Variants in CSRNP3 observed in about 807,000 individuals in gnomAD.
CSRNP3 encodes cysteine and serine rich nuclear protein 3.
In CSRNP3, 12 loss-of-function variants were observed where a neutral mutation model predicts 48.0. The observed-to-expected ratio is 0.25, with a 90% CI of 0.16 to 0.41. The LOEUF is 0.41. Ranked by LOEUF, CSRNP3 falls within the 10% of genes least tolerant of loss-of-function variation. CSRNP3 has a pLI of 1.00. For missense variants in CSRNP3, 580 were observed against 724.4 expected (o/e 0.80, Z 2.29); for synonymous variants, 263 against 269.7 (o/e 0.98, Z 0.24).
rs371437334 is a variant in CSRNP3, at chr2:165,512,966, G to C, written c.-112-4907G>C. On this transcript the variant is annotated intron_variant, in intron 2 of 6. Transcript: ENST00000651982. ...AAAAATACAAAAATATTAGCCGGGCGTGGTGGCACGCGCCTGTAGTCCCAG... is the reference window on the plus strand; with the variant it reads ...AAAAATACAAAAATATTAGCCGGGCCTGGTGGCACGCGCCTGTAGTCCCAG... Among the ~76,000 whole-genome samples, 3 of 152,234 alleles carry C rather than the reference G, an allele frequency of 2.0e-5. No homozygotes were observed. In the East Asian group the frequency reaches 5.8e-4, roughly 29 times the overall value.
At chr2:165,521,047 A>T (rs1684654705) in intron 3 of CSRNP3, among the ~76,000 whole-genome samples, 1 of 151,376 alleles carries the variant, frequency 6.6e-6, no homozygotes, top group Non-Finnish European at 1.5e-5. Flanking sequence ...AGGCTAGAAG[A>T]GGGCCTTTCT....
At chr2:165,612,420 G>T (rs1319187860) in intron 4 of CSRNP3, among the ~76,000 whole-genome samples, 1 of 151,960 alleles carries the variant, frequency 6.6e-6, no homozygotes, top group African/African-American at 2.4e-5. Context: ...TCTCTGTGTT[G>T]TGAACATTCA....
intron 3 of CSRNP3, among the ~76,000 whole-genome samples, chr2:165,571,663 A>G (rs2105274627): frequency 6.6e-6 from 1 of 152,154 alleles, no homozygotes; most frequent in African/African-American, 2.4e-5. Flanking sequence ...TTAAAAATTA[A>G]TAAAAACCAT....
chr2:165,526,601 A>G (rs548361029), intron 3 of CSRNP3, among the ~76,000 whole-genome samples: 2 of 152,322 alleles, frequency 1.3e-5, no homozygotes, highest in Admixed American at 6.5e-5. Context: ...ATACTGAGAG[A>G]GCATCACTGT....
chr2:165,477,925 C>T (rs922208874), intron 1 of CSRNP3, among the ~76,000 whole-genome samples: 4 of 151,492 alleles, frequency 2.6e-5, no homozygotes, highest in South Asian at 2.1e-4. Context: ...TGCAGTGAGC[C>T]GAGGTCACCT....
intron 5 of CSRNP3, among the ~76,000 whole-genome samples, chr2:165,668,301 A>T (rs1687268548): frequency 6.6e-6 from 1 of 152,008 alleles, no homozygotes; most frequent in South Asian, 2.1e-4. Context: ...CAAAGGAAAT[A>T]CTAACTGGTG....
chr2:165,650,186 A>C (rs953315087), intron 4 of CSRNP3, among the ~76,000 whole-genome samples: 3 of 152,176 alleles, frequency 2.0e-5, no homozygotes, highest in Non-Finnish European at 4.4e-5. Flanking sequence ...ACCTTATTTG[A>C]GCAAATTAAA....
chr2:165,585,905 A>G (rs560641973), intron 3 of CSRNP3, among the ~76,000 whole-genome samples: 1 of 152,254 alleles, frequency 6.6e-6, no homozygotes, highest in Non-Finnish European at 1.5e-5. Context: ...CTCCCAAGTA[A>G]AAGTGGACAG....
intron 2 of CSRNP3, among the ~76,000 whole-genome samples, chr2:165,501,096 CTT>C (rs1414459004): frequency 6.6e-6 from 1 of 152,050 alleles, no homozygotes; most frequent in African/African-American, 2.4e-5. Context: ...TTCAAGAACT[CTT>C]TACTTGCCAA....
intron 3 of CSRNP3, among the ~76,000 whole-genome samples, chr2:165,525,741 C>T (rs1684725263): frequency 6.6e-6 from 1 of 152,132 alleles, no homozygotes; most frequent in Non-Finnish European, 1.5e-5. Flanking sequence ...CTGCCTCAGC[C>T]TCCCAAAGTG....
intron 3 of CSRNP3, among the ~76,000 whole-genome samples, chr2:165,559,507 T>A (rs1472899872): frequency 2.0e-5 from 3 of 152,110 alleles, no homozygotes; most frequent in Admixed American, 6.5e-5. Flanking sequence ...TGATATTTTT[T>A]AAAAAATGAA....
intron 5 of CSRNP3, among the ~76,000 whole-genome samples, chr2:165,669,406 C>G (rs1385710386): frequency 1.3e-5 from 2 of 152,066 alleles, no homozygotes; most frequent in African/African-American, 2.4e-5. Flanking sequence ...CCCTTGATGG[C>G]ACCAAAAATT....
chr2:165,590,967 A>G (rs949208371), intron 3 of CSRNP3, among the ~76,000 whole-genome samples: 4 of 152,206 alleles, frequency 2.6e-5, no homozygotes, highest in Non-Finnish European at 4.4e-5. Context: ...GCTGGGTAAC[A>G]GGCAGAGGTT....
chr2:165,480,953 A>G (rs1047203170), intron 1 of CSRNP3, among the ~76,000 whole-genome samples: 3 of 150,224 alleles, frequency 2.0e-5, no homozygotes, highest in Admixed American at 2.0e-4. Flanking sequence ...ATTCAAAACC[A>G]GTCTGGACAA....
rs58624766 is a variant in CSRNP3, at chr2:165,642,103, AACACACACACACAC to A, written c.149-15627_149-15614del. On this transcript the variant is annotated intron_variant, in intron 4 of 6. Transcript: ENST00000651982. ...TAGTACCTGAGAATACACACACACA[AACACACACACACAC>A]ACACACACACACACACACACACACA... Among the ~76,000 whole-genome samples, 1,044 of 132,190 alleles carry A rather than the reference AACACACACACACAC, an allele frequency of 7.9e-3. 15 individuals are homozygous for A. The highest frequency in any genetic ancestry group is 0.026 in the African/African-American group (970 of 36,702). The allele number at this position is 132,190 out of a possible 152,430, so 86.7% of individuals were successfully genotyped here. A position where few individuals can be genotyped will look rare whatever the true frequency, so the allele number is the denominator to read the frequency against.
intron 4 of CSRNP3, among the ~76,000 whole-genome samples, chr2:165,643,876 A>G (rs938777695): frequency 1.3e-5 from 2 of 152,212 alleles, no homozygotes; most frequent in Admixed American, 6.5e-5. Context: ...AATCTTAAGC[A>G]ATATGATTTT....
intron 4 of CSRNP3, among the ~76,000 whole-genome samples, chr2:165,650,401 C>T (rs1447507942): frequency 6.6e-6 from 1 of 152,140 alleles, no homozygotes; most frequent in Non-Finnish European, 1.5e-5. Context: ...TCAAGAGAAG[C>T]CAACCTTGGC....
intron 4 of CSRNP3, among the ~76,000 whole-genome samples, chr2:165,655,707 T>C (rs560297994): frequency 8.5e-5 from 13 of 152,290 alleles, no homozygotes; most frequent in African/African-American, 2.9e-4. Flanking sequence ...TGGGAAAGGA[T>C]CTTTCCTTGC....
chr2:165,678,972 C>G lies in CSRNP3; in HGVS notation c.977C>G (p.Ala326Gly). 6.2e-7 allele frequency: 1 copy of G among 1,613,970 alleles called. No homozygotes were observed. The highest frequency in any genetic ancestry group is 8.5e-7 in the Non-Finnish European group (1 of 1,179,970). Reference sequence around the variant, plus strand: ...GAGATTGAAACTGAGCCCCAGGCTGCAGTGCTGCACCTGCAGTCGGCTGAA... The same window carrying G: ...GAGATTGAAACTGAGCCCCAGGCTGGAGTGCTGCACCTGCAGTCGGCTGAA... The part of the protein sequence containing the change: ...SFEIETEPQA[A>G]VLHLQSAEEL... Residue 326 changes from alanine to glycine, a missense_variant, in exon 7 of 7, where the codon GCA (alanine) becomes GGA (glycine). By Grantham distance (60) the Ala-to-Gly change is moderately conservative. This residue lies in a region of CSRNP3 where 369 missense variants were observed against 380.8 expected (regional missense o/e 0.97). Coordinates refer to ENST00000651982, the MANE Select transcript of CSRNP3 (RefSeq NM_001172173.2).
Sources: allele counts gnomAD v4.1 joint callset (sites outside exome capture counted in the v4.1 genomes callset), GRCh38; gene constraint gnomAD v4.1.1; regional missense constraint gnomAD v4.1.1; transcripts MANE v1.5; gene names NCBI Gene and HGNC (gene_info 2026-07-23, HGNC 2026-07-21).